Variants in CREB5 observed in about 807,000 individuals in gnomAD.
CREB5 encodes cyclic AMP-responsive element-binding protein 5.
Under a neutral mutation model 57.1 loss-of-function variants are expected in CREB5, and 19 were observed. That is an observed-to-expected ratio of 0.33 (90% CI 0.23 to 0.49). CREB5 has a LOEUF of 0.49. Among genes scored for constraint, CREB5 ranks in the 20% least tolerant of loss-of-function variants. The pLI is 0.99. For synonymous variants in CREB5, 238 were observed against 238.3 expected (o/e 1.00, Z 0.01); for missense variants, 579 against 671.6 (o/e 0.86, Z 1.52).
intron 1 of CREB5, among the ~76,000 whole-genome samples, chr7:28,328,331 T>A (rs1785648142): frequency 6.6e-6 from 1 of 152,180 alleles, no homozygotes; most frequent in Non-Finnish European, 1.5e-5. Context: ...AACAGAGCAG[T>A]TGAGACAGAT....
At chr7:28,531,200 C>T (rs561309736) in intron 4 of CREB5, among the ~76,000 whole-genome samples, 21 of 152,050 alleles carry the variant, frequency 1.4e-4, no homozygotes, top group African/African-American at 4.6e-4. Flanking sequence ...TCTTAATTCC[C>T]CATGGCTTCG....
intron 1 of CREB5, among the ~76,000 whole-genome samples, chr7:28,375,795 T>G (rs142315369): frequency 5.3e-5 from 8 of 151,870 alleles, no homozygotes; most frequent in Admixed American, 6.6e-5. Flanking sequence ...ACCAGGGATT[T>G]TTCAACTGAC....
chr7:28,636,619 A>G (rs1051235277), intron 5 of CREB5, among the ~76,000 whole-genome samples: 6 of 152,120 alleles, frequency 3.9e-5, no homozygotes, highest in Non-Finnish European at 5.9e-5. Flanking sequence ...GACATCCCCA[A>G]TTATTTGTTG....
intron 1 of CREB5, among the ~76,000 whole-genome samples, chr7:28,313,805 A>G (rs531562964): frequency 2.0e-5 from 3 of 152,244 alleles, no homozygotes; most frequent in African/African-American, 7.2e-5. Flanking sequence ...CACACACGCC[A>G]CTTGCTGAAG....
At chr7:28,667,483 G>A (rs1474911301) in intron 5 of CREB5, among the ~76,000 whole-genome samples, 6 of 151,676 alleles carry the variant, frequency 4.0e-5, no homozygotes, top group Non-Finnish European at 7.4e-5. Context: ...CATGAAATAC[G>A]CTTAGCCTGC....
chr7:28,686,308 C>T, intron 5 of CREB5: 1 of 753,710 alleles, frequency 1.3e-6, no homozygotes, highest in Non-Finnish European at 2.3e-6. Context: ...CATTTTCTCC[C>T]CCTTCTCCCT....
intron 4 of CREB5, among the ~76,000 whole-genome samples, chr7:28,531,764 C>T (rs2128622232): frequency 6.6e-6 from 1 of 152,304 alleles, no homozygotes; most frequent in African/African-American, 2.4e-5. Flanking sequence ...GGCGTGGGGG[C>T]TCACGCCTGT....
At chr7:28,781,870 TTAAAAAC>T (rs1464702178) in intron 7 of CREB5, among the ~76,000 whole-genome samples, 2 of 152,106 alleles carry the variant, frequency 1.3e-5, no homozygotes, top group African/African-American at 4.8e-5. Context: ...CAAATGAACT[TTAAAAAC>T]TGAACTTTAC....
intron 4 of CREB5, among the ~76,000 whole-genome samples, chr7:28,528,995 T>G (rs915047768): frequency 6.6e-6 from 1 of 152,154 alleles, no homozygotes; most frequent in African/African-American, 2.4e-5. Flanking sequence ...TGATTCCTCA[T>G]AACCAAGGAG....
At chr7:28,575,936 C>T (rs1320980131) in intron 5 of CREB5, among the ~76,000 whole-genome samples, 1 of 152,150 alleles carries the variant, frequency 6.6e-6, no homozygotes, top group African/African-American at 2.4e-5. Flanking sequence ...AGTACTGATA[C>T]TTGAGGAAAT....
intron 4 of CREB5, among the ~76,000 whole-genome samples, chr7:28,517,052 A>G (rs1050585937): frequency 1.3e-5 from 2 of 152,214 alleles, no homozygotes; most frequent in African/African-American, 4.8e-5. Context: ...TTTCTGGGCC[A>G]GATTAAAAGT....
chr7:28,749,098 T>A (rs1395478956), intron 7 of CREB5, among the ~76,000 whole-genome samples: 2 of 152,210 alleles, frequency 1.3e-5, no homozygotes, highest in East Asian at 3.9e-4. Context: ...CCTCCTAAGG[T>A]GTATGCTCCA....
intron 7 of CREB5, among the ~76,000 whole-genome samples, chr7:28,784,791 C>G (rs1245218769): frequency 3.3e-5 from 5 of 152,104 alleles, no homozygotes; most frequent in African/African-American, 1.2e-4. Context: ...CTCGCTCAGC[C>G]TCTAATGCCA....
chr7:28,595,168 A>G (rs930530025), intron 5 of CREB5, among the ~76,000 whole-genome samples: 10 of 152,054 alleles, frequency 6.6e-5, no homozygotes, highest in African/African-American at 2.2e-4. Context: ...TCAACTTGCA[A>G]TATTTCTCAG....
At chr7:28,612,184 C>A (rs148067715) in intron 5 of CREB5, among the ~76,000 whole-genome samples, 48 of 152,250 alleles carry the variant, frequency 3.2e-4, no homozygotes, top group African/African-American at 1.2e-3. Flanking sequence ...TAGCTTCATG[C>A]TGACTCACCA....
intron 1 of CREB5, among the ~76,000 whole-genome samples, chr7:28,370,632 A>G (rs77153650): frequency 0.031 from 4,696 of 152,304 alleles, 252 homozygotes; most frequent in African/African-American, 0.11. Context: ...AATAAGGTAG[A>G]AGCACTTTGT....
rs1293329821 is a variant in CREB5, at chr7:28,823,724, C to T, written c.*4445C>T. 4 of 152,374 alleles carry T rather than the reference C, an allele frequency of 2.6e-5. No homozygotes were observed. The highest frequency in any genetic ancestry group is 9.7e-5 in the African/African-American group (4 of 41,442). 9.4% of individuals were successfully genotyped at this position (152,374 alleles called of 1,614,324 possible). ...TAAAAACAGCTTCATCTCTGCCTCT[C>T]TCCACCCCACCCCAATTTCCTAGAA... On this transcript the variant is annotated 3_prime_UTR_variant, in exon 11 of 11. Transcript: ENST00000357727.
At chr7:28,306,261 C>T (rs1785179055) in intron 1 of CREB5, among the ~76,000 whole-genome samples, 2 of 152,184 alleles carry the variant, frequency 1.3e-5, no homozygotes, top group Non-Finnish European at 2.9e-5. Context: ...TATGTGCCTG[C>T]TGTGTTACTC....
intron 1 of CREB5, among the ~76,000 whole-genome samples, chr7:28,414,466 T>C (rs1025127369): frequency 1.3e-5 from 2 of 152,092 alleles, no homozygotes; most frequent in African/African-American, 2.4e-5. Context: ...AATTATACAA[T>C]TGAGATAAGG....
Sources: gnomAD v4.1 joint callset for allele counts (sites outside exome capture counted in the v4.1 genomes callset) on GRCh38, gnomAD v4.1.1 for gene constraint, MANE v1.5 for transcripts, NCBI Gene and HGNC (gene_info 2026-07-23, HGNC 2026-07-21) for gene names.